Variants in KIDINS220 observed in about 807,000 individuals in gnomAD.
KIDINS220 encodes the protein kinase D interacting substrate 220.
In KIDINS220, 63 loss-of-function variants were observed where a neutral mutation model predicts 157.6. That is an observed-to-expected ratio of 0.40 (90% confidence interval 0.33 to 0.49). The LOEUF (loss-of-function observed/expected upper bound fraction) is 0.49. Among genes scored for constraint, KIDINS220 ranks in the 20% least tolerant of loss-of-function variants. KIDINS220 has a pLI of 0.66. For missense variants in KIDINS220, 1,772 were observed against 2,171.2 expected (o/e 0.82, Z 3.65); for synonymous variants, 732 against 783.6 (o/e 0.93, Z 1.10).
chr2:8,760,440 A>G (rs572004810), intron 22 of KIDINS220, among the ~76,000 whole-genome samples: 13 of 152,220 alleles, frequency 8.5e-5, no homozygotes, highest in Non-Finnish European at 1.9e-4. Flanking sequence ...CACTTCAAAT[A>G]ATTATAAGAA....
chr2:8,783,660 A>G (rs1361656811), intron 17 of KIDINS220, among the ~76,000 whole-genome samples: 1 of 152,232 alleles, frequency 6.6e-6, no homozygotes. Flanking sequence ...AAAGTTGATC[A>G]CTTTCCTATA....
rs747270864 is a variant in KIDINS220 at position 8,731,832 on chromosome 2, C to T, written c.4204G>A (p.Gly1402Arg). Residue 1402 changes from glycine to arginine, a missense_variant, in exon 30 of 30, where the codon GGG becomes AGG. Around this residue, in one of 3 missense-constraint regions of KIDINS220, gnomAD observed 793 missense variants for 885.5 expected, o/e 0.90. Coordinates refer to ENST00000256707, the MANE Select transcript of KIDINS220 (RefSeq NM_020738.4). The surrounding 1 kb of genome is among the most constrained non-coding windows in gnomAD (Gnocchi z 5.2). ...GATCTGCCACTAATGGTTGTAGACCCGGGGCCCCCTTCTAACTGGGACATC... is the reference window on the plus strand; with the variant it reads ...GATCTGCCACTAATGGTTGTAGACCTGGGGCCCCCTTCTAACTGGGACATC... ...AQMSQLEGGP[G>R]STTISGRSSP... 1.1e-5 allele frequency: 17 copies of T among 1,613,920 alleles called. No individual in the cohort carries two copies. The highest frequency in any genetic ancestry group is 9.9e-5 in the South Asian group (9 of 91,076).
At chr2:8,732,044 C>T (rs2147947846) in intron 29 of KIDINS220, 62 bp from the exon 30 acceptor site, 4 of 1,424,462 alleles carry the variant, frequency 2.8e-6, no homozygotes, top group South Asian at 1.5e-5. Flanking sequence ...GCATAAACAT[C>T]AGCTTAGGAA....
At chr2:8,796,109 C>T (rs1188582621) in intron 11 of KIDINS220, among the ~76,000 whole-genome samples, 1 of 152,066 alleles carries the variant, frequency 6.6e-6, no homozygotes, top group Non-Finnish European at 1.5e-5. Flanking sequence ...GAAAAACAAA[C>T]TTCAATCTAT....
In KIDINS220 at chr2:8,770,770, G is replaced by C; in HGVS notation, c.2911C>G (p.Leu971Val). The stretch of plus-strand genomic sequence containing the variant: ...GTCCGGTATGGCCACTGCTCAGTAA[G>C]GTTGATCCAGCTAGCAAGCCTGTCC... ...NWDRLASWIN[L>V]TEQWPYRTSW... Residue 971 changes from leucine (L) to valine (V), a missense_variant, in exon 22 of 30, where the codon CTT becomes GTT. Physicochemically the swap from Leu to Val is conservative, Grantham distance 32 (BLOSUM62 1). This residue lies in a region of KIDINS220 where 725 missense variants were observed against 1,017.1 expected (regional missense o/e 0.71). Transcript: ENST00000256707. The C allele has an allele frequency of 6.2e-7, 1 of 1,612,578 alleles. No homozygotes were observed. The highest frequency in any genetic ancestry group is 1.1e-5 in the South Asian group (1 of 90,918).
At chr2:8,815,213 C>A (rs1054250933) in intron 4 of KIDINS220, among the ~76,000 whole-genome samples, 2 of 151,868 alleles carry the variant, frequency 1.3e-5, no homozygotes, top group Non-Finnish European at 2.9e-5. Context: ...CCAGCCTGGG[C>A]AACATGGCAA....
chr2:8,832,149 T>A (rs1478539191), intron 1 of KIDINS220, among the ~76,000 whole-genome samples: 1 of 152,188 alleles, frequency 6.6e-6, no homozygotes, highest in African/African-American at 2.4e-5. Flanking sequence ...ATCTCGAATC[T>A]TCTAAGTCCT....
At position 8,728,862 on chromosome 2, in the gene KIDINS220, CACAA is replaced by C. The variant is rs1251534735; in HGVS notation, c.*1854_*1857del. 2 of 985,182 alleles carry C rather than the reference CACAA, an allele frequency of 2.0e-6. No homozygotes were observed. The highest frequency in any genetic ancestry group is 2.4e-6 in the Non-Finnish European group (2 of 829,674). The allele number at this position is 985,182 out of a possible 1,614,324, so 61.0% of individuals were successfully genotyped here. The stretch of plus-strand genomic sequence containing the variant: ...CTTCAGACATGTGACAAAACAAACA[CACAA>C]ACTACTTTTATTTTTAATCAAAATG... On this transcript the variant is annotated 3_prime_UTR_variant, in exon 30 of 30. Coordinates refer to ENST00000256707, the MANE Select transcript of KIDINS220 (RefSeq NM_020738.4).
intron 22 of KIDINS220, among the ~76,000 whole-genome samples, chr2:8,764,141 AG>A (rs1427360635): frequency 1.3e-5 from 2 of 152,228 alleles, no homozygotes; most frequent in African/African-American, 4.8e-5. Flanking sequence ...GTAAAACAAG[AG>A]TGGAAAACCA....
intron 25 of KIDINS220, 158 bp from the exon 26 acceptor site, chr2:8,747,359 C>CT: frequency 1.6e-6 from 1 of 626,514 alleles, no homozygotes; most frequent in Non-Finnish European, 2.8e-6. Context: ...TAGAGAGTTT[C>CT]TTTTTTTAAA....
intron 26 of KIDINS220, among the ~76,000 whole-genome samples, chr2:8,739,092 T>C (rs147084809): frequency 6.6e-4 from 100 of 152,300 alleles, no homozygotes; most frequent in African/African-American, 2.3e-3. Flanking sequence ...ATGGAGAAGC[T>C]GAGAATTCAG....
chr2:8,792,232 C>T (rs769613721), intron 12 of KIDINS220, among the ~76,000 whole-genome samples: 23 of 151,872 alleles, frequency 1.5e-4, no homozygotes, highest in Admixed American at 6.6e-4. Flanking sequence ...ATACTAAGGC[C>T]AGAACTGCAG....
chr2:8,741,265 CT>C (rs1412965332), intron 26 of KIDINS220, among the ~76,000 whole-genome samples: 3 of 152,184 alleles, frequency 2.0e-5, no homozygotes, highest in Non-Finnish European at 4.4e-5. Flanking sequence ...TAAGAGCAAT[CT>C]TTTAAAAAAC....
chr2:8,817,062 T>C (rs1280004225), intron 4 of KIDINS220, among the ~76,000 whole-genome samples: 2 of 152,216 alleles, frequency 1.3e-5, no homozygotes, highest in Admixed American at 6.5e-5. Flanking sequence ...TTAAAAGGGC[T>C]GAACATTTTA....
rs576858974 is a variant in KIDINS220, at chr2:8,763,426, G to A, written c.3011+7244C>T. 5.9e-5 allele frequency among the ~76,000 whole-genome samples: 9 copies of A among 152,204 alleles called. No homozygotes were observed. In the East Asian group the frequency reaches 1.4e-3, roughly 23 times the overall value. ...AGCATTTCCTTTGAACATCACGTCG[G>A]CACTCAGTTTCAGATTTGGGGGCAT... On this transcript the variant is annotated intron_variant, in intron 22 of 29. Coordinates refer to ENST00000256707, the MANE Select transcript of KIDINS220 (RefSeq NM_020738.4).
At chr2:8,725,505 G>A (rs907921902), downstream of KIDINS220, 5 of 152,084 alleles carry the variant, frequency 3.3e-5, no homozygotes, top group African/African-American at 4.8e-5. Context: ...TTCTCCAGTC[G>A]ACTGGACAGC....
At chr2:8,768,395 T>A (rs1456625776) in intron 22 of KIDINS220, among the ~76,000 whole-genome samples, 1 of 152,208 alleles carries the variant, frequency 6.6e-6, no homozygotes, top group Non-Finnish European at 1.5e-5. Context: ...GAGGGGTCTA[T>A]TTAATTCGCT....
At chr2:8,761,347 T>G (rs2148112698) in intron 22 of KIDINS220, among the ~76,000 whole-genome samples, 1 of 152,324 alleles carries the variant, frequency 6.6e-6, no homozygotes, top group African/African-American at 2.4e-5. Context: ...ATGCAAGTTC[T>G]CTTAAAAGAT....
intron 24 of KIDINS220, 25 bp from the exon 25 acceptor site, chr2:8,748,025 AG>A (rs1666825131): frequency 1.5e-6 from 2 of 1,354,780 alleles, no homozygotes; most frequent in Non-Finnish European, 2.0e-6. Context: ...GTAACAAAAA[AG>A]GGGTAAACAA....
Sources: gnomAD v4.1 joint callset for allele counts (sites outside exome capture counted in the v4.1 genomes callset) on GRCh38, gnomAD v4.1.1 for gene constraint, gnomAD v4.1.1 regional missense constraint, Gnocchi (gnomAD v3.1) non-coding constraint, MANE v1.5 for transcripts, NCBI Gene and HGNC (gene_info 2026-07-23, HGNC 2026-07-21) for gene names.